N4BP2: variants seen among roughly 807,000 people sequenced by gnomAD.
N4BP2 encodes NEDD4 binding protein 2, also known as NEDD4-binding protein 2.
Under a neutral mutation model 152.8 loss-of-function variants are expected in N4BP2, and 91 were observed. The observed-to-expected ratio is 0.60, with a 90% CI of 0.50 to 0.71. The LOEUF is 0.71. N4BP2 is among the 30% of genes least tolerant of loss of function. The pLI, the probability that N4BP2 is intolerant of heterozygous loss-of-function variation, is 0.00. For synonymous variants in N4BP2, 646 were observed against 705.3 expected, an observed-to-expected ratio of 0.92 and a Z score of 1.33; for missense variants, 1,923 against 2,059.1, an observed-to-expected ratio of 0.93 and a Z score of 1.28.
intron 1 of N4BP2, among the ~76,000 whole-genome samples, chr4:40,059,021 A>G (rs1733444064): frequency 6.6e-6 from 1 of 152,096 alleles, no homozygotes; most frequent in Admixed American, 6.6e-5. Flanking sequence ...AGGTTTCGCC[A>G]TGTTGCCCAG....
chr4:40,086,457 C>T (rs776321965), intron 2 of N4BP2, among the ~76,000 whole-genome samples: 3 of 151,744 alleles, frequency 2.0e-5, no homozygotes, highest in Admixed American at 2.0e-4. Flanking sequence ...CCTGCCTCAG[C>T]CTCCCGAGTA....
At chr4:40,162,326 A>T (rs1218521349), downstream of N4BP2, among the ~76,000 whole-genome samples, 1 of 152,150 alleles carries the variant, frequency 6.6e-6, no homozygotes, top group Non-Finnish European at 1.5e-5. Context: ...ACATAGTGAA[A>T]CCCTGTCTCT....
chr4:40,059,084 G>A (rs2109879450), intron 1 of N4BP2, among the ~76,000 whole-genome samples: 1 of 152,230 alleles, frequency 6.6e-6, no homozygotes, highest in Middle Eastern at 3.4e-3. Context: ...GCCTCCCAAA[G>A]TGCTGGGATT....
intron 9 of N4BP2, among the ~76,000 whole-genome samples, chr4:40,122,920 T>A (rs1036180476): frequency 6.6e-6 from 1 of 152,240 alleles, no homozygotes; most frequent in Admixed American, 6.5e-5. Flanking sequence ...TGTGAAGCTT[T>A]GTATAACTGC....
intron 16 of N4BP2, 105 bp downstream of exon 16, chr4:40,144,905 T>C: frequency 7.3e-6 from 6 of 825,994 alleles, no homozygotes; most frequent in Non-Finnish European, 1.1e-5. Context: ...TGAGAATATC[T>C]GTGTAACATC....
chr4:40,113,232 A>G (rs1717050009), intron 6 of N4BP2, among the ~76,000 whole-genome samples, 200 bp from the exon 7 acceptor site: 2 of 152,194 alleles, frequency 1.3e-5, no homozygotes, highest in Non-Finnish European at 2.9e-5. Flanking sequence ...ATATAAATAA[A>G]TGCTCTTATA....
chr4:40,081,390 A>C (rs1311857546), intron 2 of N4BP2, among the ~76,000 whole-genome samples: 1 of 152,170 alleles, frequency 6.6e-6, no homozygotes, highest in Non-Finnish European at 1.5e-5. Context: ...TCACACCTGA[A>C]ATCCCAGCAC....
chr4:40,164,793 C>T, the N4BP2 span, among the ~76,000 whole-genome samples: 1 of 152,156 alleles, frequency 6.6e-6, no homozygotes, highest in Non-Finnish European at 1.5e-5. Flanking sequence ...TTTAATCCAT[C>T]TGAATTTATG....
downstream of N4BP2, among the ~76,000 whole-genome samples, chr4:40,160,021 T>C (rs1353362817): frequency 6.6e-5 from 10 of 152,086 alleles, no homozygotes; most frequent in Non-Finnish European, 1.2e-4. Context: ...GGTTTCAGCA[T>C]GTTGCCCAGG....
chr4:40,102,855 A>G lies in N4BP2; in HGVS notation c.1010A>G (p.Lys337Arg). 1 of 1,614,174 alleles carries G rather than the reference A, an allele frequency of 6.2e-7. No individual in the cohort carries two copies. The highest frequency in any genetic ancestry group is 8.5e-7 in the Non-Finnish European group (1 of 1,180,034). ...KPHKHPELPT[K>R]GKDVSYCPVL... The stretch of plus-strand genomic sequence containing the variant: ...CACAAACATCCTGAACTGCCAACTA[A>G]GGGGAAGGATGTGAGTTACTGCCCG... The change falls in exon 4 of 18, where the codon AAG becomes AGG. Residue 337 changes from lysine (K) to arginine (R), a missense_variant. Coordinates refer to ENST00000261435, the MANE Select transcript of N4BP2 (RefSeq NM_018177.6).
Position 40,142,707 on chromosome 4 carries a change from G to A in N4BP2, c.4820G>A (p.Ser1607Asn). ...TTAAAAGAGACTGAAGAAACACCAAGTGAACTGTCTTTCCAGGACTTTGAG... is the reference window on the plus strand; with the variant it reads ...TTAAAAGAGACTGAAGAAACACCAAATGAACTGTCTTTCCAGGACTTTGAG... ...KKLKETEETP[S>N]ELSFQDFEYP... Residue 1607 changes from serine (S) to asparagine (N), a missense_variant, in exon 15 of 18, where the codon AGT becomes AAT. Coordinates refer to ENST00000261435, the MANE Select transcript of N4BP2 (RefSeq NM_018177.6). 2 of 1,612,730 alleles carry A rather than the reference G, an allele frequency of 1.2e-6. No homozygotes were observed. The highest frequency in any genetic ancestry group is 1.7e-6 in the Non-Finnish European group (2 of 1,179,594).
chr4:40,164,050 G>A, the N4BP2 span, among the ~76,000 whole-genome samples: 1 of 152,314 alleles, frequency 6.6e-6, no homozygotes, highest in African/African-American at 2.4e-5. Context: ...CAGAGGTAGT[G>A]ATTGGCGGAT....
At chr4:40,160,954 A>T (rs1014681874), downstream of N4BP2, among the ~76,000 whole-genome samples, 11 of 152,182 alleles carry the variant, frequency 7.2e-5, no homozygotes, top group African/African-American at 2.7e-4. Flanking sequence ...CTTTATCCTC[A>T]GTGGGGATGG....
intron 16 of N4BP2, among the ~76,000 whole-genome samples, chr4:40,147,296 C>G (rs1009595217): frequency 1.3e-5 from 2 of 152,234 alleles, no homozygotes; most frequent in African/African-American, 2.4e-5. Flanking sequence ...AATGAAAAGT[C>G]TCCCACGTCT....
chr4:40,103,068 C>G lies in N4BP2; in HGVS notation c.1223C>G (p.Thr408Arg), dbSNP rs1180661786. The G allele has an allele frequency of 6.2e-7, 1 of 1,614,096 alleles. No individual in the cohort carries two copies. Among genetic ancestry groups the G allele is most frequent in the Non-Finnish European group, 8.5e-7 (1 of 1,180,018 alleles). ...PPSVISHTSP[T>R]KVWRNKDGTS... ...TCAGTTATTTCTCACACTTCCCCAA[C>G]AAAAGTATGGAGAAATAAAGATGGA... Residue 408 changes from threonine (T) to arginine (R), a missense_variant, in exon 4 of 18, where the codon ACA becomes AGA. Physicochemically the swap from Thr to Arg is moderately conservative, Grantham distance 71. Transcript: ENST00000261435.
chr4:40,137,880 C>T (rs879356964), intron 14 of N4BP2, among the ~76,000 whole-genome samples: 2 of 152,142 alleles, frequency 1.3e-5, no homozygotes, highest in Admixed American at 6.5e-5. Flanking sequence ...GTCTGATACT[C>T]GGGGGCAGGT....
chr4:40,060,540 C>T (rs1301984918), intron 1 of N4BP2, among the ~76,000 whole-genome samples: 6 of 152,054 alleles, frequency 3.9e-5, no homozygotes, highest in East Asian at 1.9e-4. Flanking sequence ...CCACTGTGCC[C>T]GGCCGCACAT....
At chr4:40,086,285 A>G (rs1338969759) in intron 2 of N4BP2, among the ~76,000 whole-genome samples, 1 of 151,880 alleles carries the variant, frequency 6.6e-6, no homozygotes, top group Non-Finnish European at 1.5e-5. Context: ...AGCCTGGACA[A>G]CATTGCGAGA....
At chr4:40,188,235 A>C in the N4BP2 span, among the ~76,000 whole-genome samples, 2 of 152,170 alleles carry the variant, frequency 1.3e-5, no homozygotes, top group African/African-American at 2.4e-5. Context: ...GCCTGAAGTC[A>C]AGGATACCAA....
Sources: gnomAD v4.1 joint callset for allele counts (sites outside exome capture counted in the v4.1 genomes callset) on GRCh38, gnomAD v4.1.1 for gene constraint, MANE v1.5 for transcripts, NCBI Gene and HGNC (gene_info 2026-07-23, HGNC 2026-07-21) for gene names.